Variants in ZNF723 observed in about 807,000 individuals in gnomAD.
The protein encoded by ZNF723 is zinc finger protein 723.
ZNF723 carries 5 observed loss-of-function variants against 9.4 expected under a neutral mutation model. That is an observed-to-expected ratio of 0.53 (90% CI 0.28 to 1.12). ZNF723 has a LOEUF of 1.12. ZNF723 is among the 50% of genes most tolerant of loss of function. ZNF723 has a pLI of 0.10. For missense variants in ZNF723, 450 were observed against 501.5 expected, an observed-to-expected ratio of 0.90 and a Z score of 0.98; for synonymous variants, 158 against 168.8, an observed-to-expected ratio of 0.94 and a Z score of 0.49.
At chr19:22,834,922 CTG>C (rs539055630) in intron 1 of ZNF723, among the ~76,000 whole-genome samples, 59 of 152,262 alleles carry the variant, frequency 3.9e-4, no homozygotes, top group African/African-American at 1.4e-3. Context: ...GAGGCACTCA[CTG>C]GGGCATAGTG....
At chr19:22,816,211 TGTG>T in the ZNF723 span, among the ~76,000 whole-genome samples, 1 of 152,172 alleles carries the variant, frequency 6.6e-6, no homozygotes, top group Admixed American at 6.6e-5. Context: ...CAGGTGAGAT[TGTG>T]ACACTCATAT....
At chr19:22,842,879 A>G (rs1967266530) in intron 1 of ZNF723, among the ~76,000 whole-genome samples, 1 of 152,224 alleles carries the variant, frequency 6.6e-6, no homozygotes, top group Non-Finnish European at 1.5e-5. Context: ...GCATTGTCAG[A>G]TGTCAACATA....
At chr19:22,837,025 A>G (rs438972) in intron 1 of ZNF723, among the ~76,000 whole-genome samples, 34,034 of 151,850 alleles carry the variant, frequency 0.22, 4,776 homozygotes, top group African/African-American at 0.4. Context: ...TGGCACGATT[A>G]CTCATGCCTG....
intron 1 of ZNF723, among the ~76,000 whole-genome samples, chr19:22,841,581 C>T (rs531456768): frequency 1.3e-5 from 2 of 152,184 alleles, no homozygotes; most frequent in African/African-American, 4.8e-5. Context: ...GCCAACCAAG[C>T]TTTACTCTAG....
the ZNF723 span, among the ~76,000 whole-genome samples, chr19:22,815,174 G>C: frequency 6.6e-6 from 1 of 152,024 alleles, no homozygotes; most frequent in Non-Finnish European, 1.5e-5. Flanking sequence ...TTTTTCCTGG[G>C]CCCCACATAT....
intron 3 of ZNF723, among the ~76,000 whole-genome samples, chr19:22,851,794 CT>C (rs986019862): frequency 6.6e-6 from 1 of 151,516 alleles, no homozygotes; most frequent in African/African-American, 2.4e-5. Context: ...CTTGTTAGAA[CT>C]TTTTTTTTGA....
intron 1 of ZNF723, among the ~76,000 whole-genome samples, chr19:22,846,171 T>A (rs926716148): frequency 6.6e-6 from 1 of 152,112 alleles, no homozygotes; most frequent in Non-Finnish European, 1.5e-5. Flanking sequence ...TAAAAATGTT[T>A]CCTTTGTGGC....
intron 1 of ZNF723, among the ~76,000 whole-genome samples, 152 bp from the exon 2 acceptor site, chr19:22,848,109 A>C (rs553676749): frequency 6.6e-6 from 1 of 152,204 alleles, no homozygotes; most frequent in South Asian, 2.1e-4. Flanking sequence ...TCTTAAAAAA[A>C]AAAAAAAAAA....
the ZNF723 span, among the ~76,000 whole-genome samples, chr19:22,813,608 G>T: frequency 1.3e-5 from 2 of 151,894 alleles, no homozygotes; most frequent in East Asian, 4.0e-4. Flanking sequence ...AGGCATTGTG[G>T]CGGGTGTCTG....
At chr19:22,812,796 G>A in the ZNF723 span, among the ~76,000 whole-genome samples, 1 of 152,144 alleles carries the variant, frequency 6.6e-6, no homozygotes, top group Non-Finnish European at 1.5e-5. Flanking sequence ...TCACAGGTGG[G>A]TTGGTGATGC....
At chr19:22,853,685 C>T (rs931813448) in intron 3 of ZNF723, among the ~76,000 whole-genome samples, 3 of 152,062 alleles carry the variant, frequency 2.0e-5, no homozygotes, top group African/African-American at 4.8e-5. Flanking sequence ...GTGCAATGGC[C>T]TGATCTTGGC....
chr19:22,850,044 T>G (rs192905759), intron 3 of ZNF723, among the ~76,000 whole-genome samples: 354 of 152,306 alleles, frequency 2.3e-3, no homozygotes, highest in African/African-American at 8.2e-3. Context: ...ATTCATCCTG[T>G]TTTTATTAGT....
chr19:22,829,554 G>T (rs188345704), upstream of ZNF723, among the ~76,000 whole-genome samples: 67 of 152,128 alleles, frequency 4.4e-4, no homozygotes, highest in Admixed American at 7.9e-4. Flanking sequence ...CAAAGTGCTG[G>T]GATTACAGGC....
chr19:22,818,514 G>C, the ZNF723 span, among the ~76,000 whole-genome samples: 1 of 152,174 alleles, frequency 6.6e-6, no homozygotes, highest in Non-Finnish European at 1.5e-5. Flanking sequence ...AGTCTCCCAT[G>C]CAAGGGTCCA....
At chr19:22,840,121 G>A (rs575751303) in intron 1 of ZNF723, among the ~76,000 whole-genome samples, 7 of 152,034 alleles carry the variant, frequency 4.6e-5, no homozygotes, top group Admixed American at 2.6e-4. Flanking sequence ...CTTTGGTTTA[G>A]TTAGGTCTCA....
chr19:22,836,625 C>G (rs1469216665), intron 1 of ZNF723, among the ~76,000 whole-genome samples: 5 of 152,102 alleles, frequency 3.3e-5, no homozygotes, highest in Non-Finnish European at 7.3e-5. Flanking sequence ...TATTTTGGCT[C>G]AGACTGAGAA....
rs530458664 is a variant in ZNF723, at chr19:22,848,498, T to C, written c.130+111T>C. 22 of 841,200 alleles carry C rather than the reference T, an allele frequency of 2.6e-5. No individual in the cohort carries two copies. In the African/African-American group the frequency reaches 3.7e-4, roughly 14 times the overall value. The allele number at this position is 841,200 out of a possible 1,614,324, so 52.1% of individuals were successfully genotyped here. ...TTTGCATAAATGAGTTTCACATCAC[T>C]GTTTTGAAGAAAAGCTTGGGAATTT... On this transcript the variant is annotated intron_variant, in intron 2 of 3. Coordinates refer to ENST00000600766, the MANE Select transcript of ZNF723 (RefSeq NM_001349726.2).
upstream of ZNF723, among the ~76,000 whole-genome samples, chr19:22,829,869 T>A (rs1482013389): frequency 6.6e-6 from 1 of 152,180 alleles, no homozygotes; most frequent in Non-Finnish European, 1.5e-5. Flanking sequence ...AATTCTAAGC[T>A]GTAATCAATA....
At chr19:22,834,449 CTT>C (rs1203039719) in intron 1 of ZNF723, among the ~76,000 whole-genome samples, 2 of 149,636 alleles carry the variant, frequency 1.3e-5, no homozygotes, top group East Asian at 2.0e-4. Context: ...TTTTTGGAAA[CTT>C]TATGGGGTTT....
Sources: allele counts gnomAD v4.1 joint callset (sites outside exome capture counted in the v4.1 genomes callset), GRCh38; gene constraint gnomAD v4.1.1; transcripts MANE v1.5; gene names NCBI Gene and HGNC (gene_info 2026-07-23, HGNC 2026-07-21).